Variants in GLI3 observed in about 807,000 individuals in gnomAD.
GLI3 encodes the protein GLI family zinc finger 3, also known as transcription activator GLI3.
GLI3 carries 20 observed loss-of-function variants against 100.8 expected under a neutral mutation model. The observed-to-expected ratio is 0.20, with a 90% CI of 0.14 to 0.29. The LOEUF (loss-of-function observed/expected upper bound fraction) is 0.29, where lower values mean the gene tolerates loss of function less well. GLI3 is among the 10% of genes least tolerant of loss of function. GLI3 has a pLI of 1.00. For synonymous variants in GLI3, 938 were observed against 860.5 expected, an observed-to-expected ratio of 1.09 and a Z score of -1.58; for missense variants, 2,040 against 2,128.5, an observed-to-expected ratio of 0.96 and a Z score of 0.82.
intron 1 of GLI3, among the ~76,000 whole-genome samples, chr7:42,234,341 C>T (rs1026888282): frequency 1.7e-4 from 26 of 152,274 alleles, no homozygotes; most frequent in African/African-American, 6.3e-4. Context: ...GGAAGGACCT[C>T]TAAATGGCTA....
upstream of GLI3, among the ~76,000 whole-genome samples, chr7:42,240,942 G>A (rs1247754141): frequency 6.6e-6 from 1 of 152,184 alleles, no homozygotes. Flanking sequence ...TACCATGGCA[G>A]TTCTTCCATC....
chr7:42,202,380 A>T (rs866012899), intron 2 of GLI3, among the ~76,000 whole-genome samples: 100 of 126,728 alleles, frequency 7.9e-4, no homozygotes, highest in African/African-American at 2.5e-3. Flanking sequence ...ACACACACAC[A>T]CACTCACACA....
At position 41,982,156 on chromosome 7, in the gene GLI3, C is replaced by G. The variant is rs928154206; in HGVS notation, c.1498-3408G>C. Among the ~76,000 whole-genome samples the G allele has an allele frequency of 3.2e-4, 48 of 152,080 alleles. 1 individual carries two copies. The highest frequency in any genetic ancestry group is 3.1e-3 in the Admixed American group (48 of 15,278). ...CTTAAGTTCAAACTTGCATTGAGAC[C>G]ACAGTTATTTTTCTTTAAATGAAAT... On this transcript the variant is annotated intron_variant, in intron 10 of 14. Coordinates refer to ENST00000395925, the MANE Select transcript of GLI3 (RefSeq NM_000168.6).
At chr7:42,104,228 A>G (rs1321832818) in intron 3 of GLI3, among the ~76,000 whole-genome samples, 1 of 152,198 alleles carries the variant, frequency 6.6e-6, no homozygotes. Context: ...ATTAGTCTAA[A>G]TTAAAGATGT....
intron 3 of GLI3, among the ~76,000 whole-genome samples, chr7:42,126,335 C>T (rs1016298375): frequency 2.6e-5 from 4 of 152,116 alleles, no homozygotes; most frequent in Non-Finnish European, 5.9e-5. Context: ...TAACAACGCT[C>T]ACCTATATGA....
At chr7:42,091,985 A>T (rs576308167) in intron 3 of GLI3, among the ~76,000 whole-genome samples, 1 of 152,368 alleles carries the variant, frequency 6.6e-6, no homozygotes, top group African/African-American at 2.4e-5. Context: ...CTTGAGGGGA[A>T]CCAAGCTGGG....
At chr7:42,207,064 G>A (rs552038974) in intron 2 of GLI3, among the ~76,000 whole-genome samples, 1 of 152,190 alleles carries the variant, frequency 6.6e-6, no homozygotes, top group Non-Finnish European at 1.5e-5. Flanking sequence ...GTGTTGACAC[G>A]AATGAGAAGC....
At chr7:42,044,971 C>T (rs1428512399) in intron 6 of GLI3, among the ~76,000 whole-genome samples, 1 of 152,094 alleles carries the variant, frequency 6.6e-6, no homozygotes, top group Admixed American at 6.5e-5. Context: ...CACTGCAACA[C>T]CGACCTCCTG....
chr7:41,997,324 T>G (rs2128720252), intron 10 of GLI3, among the ~76,000 whole-genome samples: 1 of 152,292 alleles, frequency 6.6e-6, no homozygotes, highest in East Asian at 1.9e-4. Flanking sequence ...ACAACACCCT[T>G]AAAAGTCACT....
chr7:42,031,651 T>G (rs1234287912), intron 7 of GLI3, among the ~76,000 whole-genome samples: 2 of 152,234 alleles, frequency 1.3e-5, no homozygotes, highest in African/African-American at 4.8e-5. Flanking sequence ...TAATTTGCCC[T>G]TTATTTTACT....
At chr7:42,149,833 C>T (rs1334109107) in intron 2 of GLI3, among the ~76,000 whole-genome samples, 1 of 152,196 alleles carries the variant, frequency 6.6e-6, no homozygotes, top group Admixed American at 6.5e-5. Flanking sequence ...AATGCTTTAG[C>T]AGTTTCATAA....
intron 9 of GLI3, among the ~76,000 whole-genome samples, chr7:42,024,328 C>T (rs1562690706): frequency 1.3e-5 from 2 of 150,274 alleles, no homozygotes; most frequent in African/African-American, 4.9e-5. Flanking sequence ...GATTCAGGTC[C>T]CAATCCAGGG....
intron 2 of GLI3, among the ~76,000 whole-genome samples, chr7:42,217,811 C>T (rs904852396): frequency 5.3e-5 from 8 of 152,178 alleles, no homozygotes; most frequent in Admixed American, 3.9e-4. Context: ...TGAAAACTGA[C>T]GTGTATGTTC....
At chr7:42,201,731 CTG>C (rs753157031) in intron 2 of GLI3, among the ~76,000 whole-genome samples, 62 of 152,248 alleles carry the variant, frequency 4.1e-4, no homozygotes, top group Non-Finnish European at 7.9e-4. Flanking sequence ...CTGTAGGCAA[CTG>C]TAACACAATG....
intron 10 of GLI3, among the ~76,000 whole-genome samples, chr7:42,008,184 C>T (rs1337634383): frequency 6.6e-6 from 1 of 152,176 alleles, no homozygotes; most frequent in African/African-American, 2.4e-5. Flanking sequence ...TAAACAACCT[C>T]ACATTGCAGT....
chr7:42,048,619 G>T lies in GLI3; in HGVS notation c.551C>A (p.Ala184Asp). 1 of 1,611,058 alleles carries T rather than the reference G, an allele frequency of 6.2e-7. No individual in the cohort carries two copies. The highest frequency in any genetic ancestry group is 8.5e-7 in the Non-Finnish European group (1 of 1,178,754). The change falls in exon 5 of 15, where the codon GCT (alanine) becomes GAT (aspartate). Residue 184 changes from alanine (A) to aspartate (D), a missense_variant. Physicochemically the swap from Ala to Asp is moderately radical, Grantham distance 126. This residue lies in a region of GLI3 where 603 missense variants were observed against 690.9 expected (regional missense o/e 0.87). Coordinates refer to ENST00000395925, the MANE Select transcript of GLI3 (RefSeq NM_000168.6). ...AGGGCTGAAGGGAGACTCGGAAGCA[G>T]CAGTGGGGTTCCGGTGTGGGGAGAT... ...IRISPHRNPTAASESPFSPPH... is the reference protein window; with the variant it reads ...IRISPHRNPTDASESPFSPPH...
In GLI3 at chr7:42,172,532, A is replaced by G. The variant is rs139003472; in HGVS notation, c.125-24064T>C. 882 of 702,662 alleles carry G rather than the reference A, an allele frequency of 1.3e-3. 3 individuals carry two copies. The highest frequency in any genetic ancestry group is 0.01 in the Middle Eastern group (45 of 4,368). 43.5% of individuals were successfully genotyped at this position (702,662 alleles called of 1,614,324 possible). A position where few individuals can be genotyped will look rare whatever the true frequency, so the allele number is the denominator to read the frequency against. On this transcript the variant is annotated intron_variant, in intron 2 of 14. Coordinates refer to ENST00000395925, the MANE Select transcript of GLI3 (RefSeq NM_000168.6). ...AATCATCCCGCACCTAGGTAAATGT[A>G]TGGGTTTGTACGCATTCTTTGGAGC... is the stretch of plus-strand genomic sequence containing the variant.
intron 2 of GLI3, among the ~76,000 whole-genome samples, chr7:42,158,452 T>C (rs1192911115): frequency 2.0e-5 from 3 of 152,162 alleles, no homozygotes; most frequent in Non-Finnish European, 4.4e-5. Flanking sequence ...TTTGAGAGCA[T>C]TCATTTGCTT....
At chr7:42,246,947 A>G (rs958130713) in intron 1 of GLI3, among the ~76,000 whole-genome samples, 6 of 151,558 alleles carry the variant, frequency 4.0e-5, no homozygotes, top group African/African-American at 1.5e-4. Flanking sequence ...AACACCCTGA[A>G]CAAGGCAAGG....
Sources: gnomAD v4.1 joint callset for allele counts (sites outside exome capture counted in the v4.1 genomes callset) on GRCh38, gnomAD v4.1.1 for gene constraint, gnomAD v4.1.1 regional missense constraint, MANE v1.5 for transcripts, NCBI Gene and HGNC (gene_info 2026-07-23, HGNC 2026-07-21) for gene names.